Variants in MDGA2 observed in about 807,000 individuals in gnomAD.
MDGA2 encodes MAM domain containing glycosylphosphatidylinositol anchor 2.
Under a neutral mutation model 117.8 loss-of-function variants are expected in MDGA2, and 40 were observed. The ratio of observed to expected loss-of-function variants is 0.34; its 90% confidence interval spans 0.26 to 0.44. The LOEUF (loss-of-function observed/expected upper bound fraction) is 0.44. MDGA2 is among the 20% of genes least tolerant of loss of function. MDGA2 has a pLI of 1.00. For missense variants in MDGA2, 1,123 were observed against 1,250.6 expected, an observed-to-expected ratio of 0.90 and a Z score of 1.54; for synonymous variants, 452 against 439.0, an observed-to-expected ratio of 1.03 and a Z score of -0.37.
intron 2 of MDGA2, among the ~76,000 whole-genome samples, chr14:47,240,732 A>G: frequency 6.6e-6 from 1 of 151,980 alleles, no homozygotes; most frequent in Admixed American, 6.6e-5. Context: ...AGCAAAAAAT[A>G]CATTACCCAG....
chr14:47,616,795 A>G (rs1180344823), intron 1 of MDGA2, among the ~76,000 whole-genome samples: 1 of 152,256 alleles, frequency 6.6e-6, no homozygotes, highest in Non-Finnish European at 1.5e-5. Context: ...ACATTTGTCC[A>G]AAAACATTAG....
At chr14:46,860,819 T>A (rs1268140677) in intron 14 of MDGA2, among the ~76,000 whole-genome samples, 1 of 151,980 alleles carries the variant, frequency 6.6e-6, no homozygotes, top group African/African-American at 2.4e-5. Context: ...TTCGTAAAGT[T>A]CATATTCTTA....
intron 7 of MDGA2, among the ~76,000 whole-genome samples, chr14:47,043,886 A>G (rs1041304547): frequency 6.6e-6 from 1 of 152,022 alleles, no homozygotes. Flanking sequence ...TTCTTGTTCT[A>G]TTTACTCTTT....
chr14:47,057,726 C>T (rs1213601581), intron 7 of MDGA2, among the ~76,000 whole-genome samples: 1 of 150,796 alleles, frequency 6.6e-6, no homozygotes, highest in Non-Finnish European at 1.5e-5. Flanking sequence ...CCCTGCCCTA[C>T]CTTGCCCTGC....
At chr14:47,360,348 T>C (rs1478612151) in intron 1 of MDGA2, among the ~76,000 whole-genome samples, 1 of 71,138 alleles carries the variant, frequency 1.4e-5, no homozygotes, top group African/African-American at 4.4e-5. Context: ...TGAGAGTCCA[T>C]CTCAAAAAAT....
chr14:46,968,362 A>T (rs558911479), intron 8 of MDGA2, among the ~76,000 whole-genome samples: 1 of 152,178 alleles, frequency 6.6e-6, no homozygotes, highest in Non-Finnish European at 1.5e-5. Flanking sequence ...ATCCCAAAAA[A>T]ATATAACCAC....
At chr14:47,187,773 A>G (rs927586798) in intron 3 of MDGA2, among the ~76,000 whole-genome samples, 24 of 152,128 alleles carry the variant, frequency 1.6e-4, no homozygotes, top group Admixed American at 5.2e-4. Context: ...ATAATAACAC[A>G]TTGTTAATAG....
chr14:47,623,024 A>C (rs1446863318), intron 1 of MDGA2, among the ~76,000 whole-genome samples: 1 of 152,212 alleles, frequency 6.6e-6, no homozygotes, highest in Admixed American at 6.5e-5. Flanking sequence ...TCCCCAACGC[A>C]ATAGTGTTGA....
At chr14:46,915,983 C>A (rs1271083175) in intron 10 of MDGA2, among the ~76,000 whole-genome samples, 2 of 152,178 alleles carry the variant, frequency 1.3e-5, no homozygotes, top group African/African-American at 4.8e-5. Flanking sequence ...AACCTCACTT[C>A]CAGAAAACCT....
intron 5 of MDGA2, among the ~76,000 whole-genome samples, chr14:47,122,069 T>C (rs1400032076): frequency 6.6e-6 from 1 of 152,024 alleles, no homozygotes; most frequent in Non-Finnish European, 1.5e-5. Context: ...AGCAACCTCA[T>C]TTCCTCTGTG....
intron 1 of MDGA2, among the ~76,000 whole-genome samples, chr14:47,449,721 T>C (rs1055228274): frequency 5.3e-5 from 8 of 152,160 alleles, no homozygotes; most frequent in Non-Finnish European, 8.8e-5. Flanking sequence ...TACATAATCA[T>C]GCAGAGCAAA....
rs1325569480 is a variant in MDGA2 at position 47,236,077 on chromosome 14, G to A, written c.421-17882C>T. 2.6e-5 allele frequency among the ~76,000 whole-genome samples: 4 copies of A among 152,156 alleles called. No homozygotes were observed. In the East Asian group the frequency reaches 7.7e-4, roughly 29 times the overall value. On this transcript the variant is annotated intron_variant, in intron 2 of 16. Transcript: ENST00000399232. Reference sequence around the variant, plus strand: ...GAAGACCGAGGTGGGCGGATCACGAGGTCAGGAGATCGAGACCATTTTGGC... The same window carrying A: ...GAAGACCGAGGTGGGCGGATCACGAAGTCAGGAGATCGAGACCATTTTGGC...
chr14:47,332,901 A>G (rs1890333480), intron 1 of MDGA2, among the ~76,000 whole-genome samples: 1 of 151,950 alleles, frequency 6.6e-6, no homozygotes, highest in African/African-American at 2.4e-5. Context: ...AAGTGAGAAC[A>G]TGTGGTACTG....
chr14:47,463,424 TAAAA>T (rs1197644844), intron 1 of MDGA2, among the ~76,000 whole-genome samples: 1 of 152,056 alleles, frequency 6.6e-6, no homozygotes, highest in Non-Finnish European at 1.5e-5. Context: ...TAGCAAATAA[TAAAA>T]TAAATAATAT....
intron 3 of MDGA2, among the ~76,000 whole-genome samples, chr14:47,174,215 C>T (rs1167229567): frequency 6.6e-6 from 1 of 152,136 alleles, no homozygotes; most frequent in African/African-American, 2.4e-5. Flanking sequence ...TTTAACACCC[C>T]ATTGTCAACA....
chr14:46,898,826 A>G (rs1481238117), intron 10 of MDGA2, among the ~76,000 whole-genome samples: 1 of 152,128 alleles, frequency 6.6e-6, no homozygotes, highest in African/African-American at 2.4e-5. Context: ...AAGGGTGTCA[A>G]TCTTTTTAAT....
intron 1 of MDGA2, among the ~76,000 whole-genome samples, chr14:47,389,606 CCACACACACA>C (rs200077028): frequency 2.1e-5 from 2 of 96,384 alleles, no homozygotes; most frequent in Non-Finnish European, 4.6e-5. Flanking sequence ...ACACACACAC[CCACACACACA>C]CACACACACA....
At chr14:47,099,517 T>C (rs375555583) in intron 5 of MDGA2, among the ~76,000 whole-genome samples, 7 of 152,124 alleles carry the variant, frequency 4.6e-5, no homozygotes, top group African/African-American at 1.4e-4. Flanking sequence ...TCTCTTCTTA[T>C]AGGTTTCCAT....
chr14:47,639,515 C>G (rs1034801863), intron 1 of MDGA2, among the ~76,000 whole-genome samples: 1 of 152,136 alleles, frequency 6.6e-6, no homozygotes, highest in Non-Finnish European at 1.5e-5. Context: ...GCATACGGTG[C>G]TTTGCATTTT....
Sources: allele counts gnomAD v4.1 joint callset (sites outside exome capture counted in the v4.1 genomes callset), GRCh38; gene constraint gnomAD v4.1.1; transcripts MANE v1.5; gene names NCBI Gene and HGNC (gene_info 2026-07-23, HGNC 2026-07-21).